Variants in FGF5 observed in about 807,000 individuals in gnomAD.
FGF5 encodes heparin-binding growth factor 5.
In FGF5, 23 loss-of-function variants were observed where a neutral mutation model predicts 21.8. The observed-to-expected ratio is 1.05, with a 90% CI of 0.76 to 1.49. The LOEUF is 1.49. Ranked by LOEUF, FGF5 falls within the 40% of genes most tolerant of loss-of-function variation. The probability of loss-of-function intolerance (pLI) is 0.00; values close to 1 mark genes in which losing one functional copy is unlikely to be tolerated. For synonymous variants in FGF5, 158 were observed against 124.0 expected, an observed-to-expected ratio of 1.27 and a Z score of -1.82; for missense variants, 352 against 332.9, an observed-to-expected ratio of 1.06 and a Z score of -0.45.
chr4:80,267,288 CT>C (rs1473304488), intron 1 of FGF5, 109 bp downstream of exon 1: 3 of 875,438 alleles, frequency 3.4e-6, no homozygotes, highest in Non-Finnish European at 5.2e-6. Context: ...GCCCAGGCCA[CT>C]GGGACCAAGC....
chr4:80,284,153 G>A (rs182711716), intron 2 of FGF5, among the ~76,000 whole-genome samples: 4 of 152,226 alleles, frequency 2.6e-5, no homozygotes, highest in South Asian at 2.1e-4. Flanking sequence ...ACCTGCCTTC[G>A]GCCGGGTGCG....
intron 2 of FGF5, among the ~76,000 whole-genome samples, chr4:80,279,320 C>G (rs1021049305): frequency 6.6e-6 from 1 of 152,200 alleles, no homozygotes; most frequent in Non-Finnish European, 1.5e-5. Context: ...ACATAAAACA[C>G]TTAGAGTACT....
Position 80,269,473 on chromosome 4 carries a change from G to A in FGF5, c.355+2294G>A, listed in dbSNP as rs529908300. Reference sequence around the variant, plus strand: ...AAGCAAAGGGGGGAAAATAAGAGCAGATCAAAAAGAGTGCACCCAGATAAA... The same window carrying A: ...AAGCAAAGGGGGGAAAATAAGAGCAAATCAAAAAGAGTGCACCCAGATAAA... On this transcript the variant is annotated intron_variant, in intron 1 of 2. Coordinates refer to ENST00000312465, the MANE Select transcript of FGF5 (RefSeq NM_004464.4). Among the ~76,000 whole-genome samples the A allele has an allele frequency of 3.9e-5, 6 of 152,242 alleles. No individual in the cohort carries two copies. In the South Asian group the frequency reaches 6.2e-4, roughly 16 times the overall value.
chr4:80,279,173 G>A (rs547448383), intron 2 of FGF5, among the ~76,000 whole-genome samples: 2 of 152,276 alleles, frequency 1.3e-5, no homozygotes, highest in South Asian at 4.1e-4. Context: ...ATTGCCCCAG[G>A]CTGAATCCTA....
At chr4:80,286,257 C>A in intron 2 of FGF5, 68 bp from the exon 3 acceptor site, 3 of 1,050,090 alleles carry the variant, frequency 2.9e-6, no homozygotes, top group South Asian at 1.8e-5. Context: ...TTCTACAATA[C>A]CTTATGTTTT....
chr4:80,267,762 C>T (rs200282397), intron 1 of FGF5, among the ~76,000 whole-genome samples: 5 of 109,534 alleles, frequency 4.6e-5, no homozygotes, highest in African/African-American at 1.1e-4. Context: ...GATAGATACA[C>T]AGATAGATAG....
chr4:80,266,735 G>A lies in FGF5; in HGVS notation c.-90G>A. On this transcript the variant is annotated 5_prime_UTR_variant, in exon 1 of 3. Transcript: ENST00000312465. Reference sequence around the variant, plus strand: ...CTATGTCCACCCGGTGCGGCGAGGCGGGCAGAGCCAGAGGCACGCAGCCGC... The same window carrying A: ...CTATGTCCACCCGGTGCGGCGAGGCAGGCAGAGCCAGAGGCACGCAGCCGC... The A allele has an allele frequency of 8.8e-7, 1 of 1,137,100 alleles. No individual in the cohort carries two copies. The highest frequency in any genetic ancestry group is 2.4e-5 in the Admixed American group (1 of 42,464). 70.4% of individuals were successfully genotyped at this position (1,137,100 alleles called of 1,614,324 possible).
At position 80,290,524 on chromosome 4, in the gene FGF5, A is replaced by G. The variant is rs1477475893; in HGVS notation, c.*3852A>G. ...AGTCAGGTGAGGCATCTTTACATCTAAGAATTTTTTTTTAAATTTTATTAT... is the reference window on the plus strand; with the variant it reads ...AGTCAGGTGAGGCATCTTTACATCTGAGAATTTTTTTTTAAATTTTATTAT... On this transcript the variant is annotated 3_prime_UTR_variant, in exon 3 of 3. Coordinates refer to ENST00000312465, the MANE Select transcript of FGF5 (RefSeq NM_004464.4). 1.3e-5 allele frequency: 2 copies of G among 152,034 alleles called. No individual in the cohort carries two copies. Among genetic ancestry groups the G allele is most frequent in the Admixed American group, 6.6e-5 (1 of 15,256 alleles). 9.4% of individuals were successfully genotyped at this position (152,034 alleles called of 1,614,324 possible). A position where few individuals can be genotyped will look rare whatever the true frequency, so the allele number is the denominator to read the frequency against.
At position 80,286,648 on chromosome 4, in the gene FGF5, C is replaced by T. The variant is rs1245838585; in HGVS notation, c.783C>T (p.Tyr261=). 1.2e-6 allele frequency: 2 copies of T among 1,613,614 alleles called. No individual in the cohort carries two copies. Among genetic ancestry groups the T allele is most frequent in the Non-Finnish European group, 1.7e-6 (2 of 1,179,804 alleles). ...GGAAAAATACCAACTCAGTGAAATACAGACTCAAGTTTCGCTTTGGATAAT... is the reference window on the plus strand; with the variant it reads ...GGAAAAATACCAACTCAGTGAAATATAGACTCAAGTTTCGCTTTGGATAAT... The part of the protein sequence containing the change: ...APRKNTNSVK[Y]RLKFRFG Residue 261 remains tyrosine (Y), a synonymous_variant, in exon 3 of 3, where the codon TAC becomes TAT. Transcript: ENST00000312465.
Position 80,267,190 on chromosome 4 carries a change from C to A in FGF5, c.355+11C>A, listed in dbSNP as rs374202233. 7.8e-5 allele frequency: 123 copies of A among 1,579,334 alleles called. 1 individual carries two copies. In the East Asian group the frequency reaches 7.9e-4, roughly 10 times the overall value. ...AAGCCAATATGTTAAGTAAGTTACTCGCTCTCCTACAAAACCCGTCCTAGG... is the reference window on the plus strand; with the variant it reads ...AAGCCAATATGTTAAGTAAGTTACTAGCTCTCCTACAAAACCCGTCCTAGG... On this transcript the variant is annotated intron_variant, in intron 1 of 2. Transcript: ENST00000312465.
chr4:80,284,985 C>A (rs919323612), intron 2 of FGF5, among the ~76,000 whole-genome samples: 14 of 152,098 alleles, frequency 9.2e-5, no homozygotes, highest in Non-Finnish European at 1.9e-4. Context: ...AATTATGAAA[C>A]CTGGTAGTCT....
intron 1 of FGF5, among the ~76,000 whole-genome samples, chr4:80,269,401 G>A (rs575308611): frequency 2.6e-5 from 4 of 152,232 alleles, no homozygotes; most frequent in African/African-American, 9.6e-5. Flanking sequence ...TATATGAGAC[G>A]AAGGTAGTTT....
At chr4:80,268,438 T>C in intron 1 of FGF5, 3 of 979,776 alleles carry the variant, frequency 3.1e-6, no homozygotes, top group Non-Finnish European at 3.6e-6. Flanking sequence ...ACTTGCTCCA[T>C]CTCAGACCAA....
chr4:80,271,209 A>G (rs3796605), intron 1 of FGF5, among the ~76,000 whole-genome samples: 9,585 of 152,286 alleles, frequency 0.063, 566 homozygotes, highest in East Asian at 0.35. Flanking sequence ...ATCAACCACT[A>G]TCAGTAGAGC....
chr4:80,271,104 C>T (rs3796604), intron 1 of FGF5, among the ~76,000 whole-genome samples: 1 of 151,946 alleles, frequency 6.6e-6, no homozygotes, highest in East Asian at 1.9e-4. Flanking sequence ...TTTTCAGATG[C>T]GTTGTTGAAA....
intron 1 of FGF5, among the ~76,000 whole-genome samples, chr4:80,267,966 G>A (rs771920056): frequency 6.6e-6 from 1 of 152,196 alleles, no homozygotes; most frequent in Non-Finnish European, 1.5e-5. Flanking sequence ...CCAGCCTTTG[G>A]TCCCCAAGAA....
At chr4:80,269,114 G>C (rs1161779716) in intron 1 of FGF5, among the ~76,000 whole-genome samples, 2 of 149,252 alleles carry the variant, frequency 1.3e-5, no homozygotes, top group Admixed American at 6.6e-5. Context: ...AGCAAGTTAG[G>C]AACATCTAGG....
Position 80,286,726 on chromosome 4 carries a change from G to T in FGF5, c.*54G>T. 1 of 1,425,974 alleles carries T rather than the reference G, an allele frequency of 7.0e-7. No homozygotes were observed. Among genetic ancestry groups the T allele is most frequent in the East Asian group, 2.3e-5 (1 of 43,022 alleles). The allele number at this position is 1,425,974 out of a possible 1,614,324, so 88.3% of individuals were successfully genotyped here. On this transcript the variant is annotated 3_prime_UTR_variant, in exon 3 of 3. Transcript: ENST00000312465. ...TCTTTCCCCTCAGGAGTTTCTATAGGTGTCTTCAGAGTTCTGAAGAAAAAT... is the reference window on the plus strand; with the variant it reads ...TCTTTCCCCTCAGGAGTTTCTATAGTTGTCTTCAGAGTTCTGAAGAAAAAT...
chr4:80,269,199 G>A (rs1180524186), intron 1 of FGF5, among the ~76,000 whole-genome samples: 2 of 152,092 alleles, frequency 1.3e-5, no homozygotes, highest in Non-Finnish European at 2.9e-5. Flanking sequence ...ACTCTCCCTG[G>A]GTACATGACA....
Sources: allele counts gnomAD v4.1 joint callset (sites outside exome capture counted in the v4.1 genomes callset), GRCh38; gene constraint gnomAD v4.1.1; transcripts MANE v1.5; gene names NCBI Gene and HGNC (gene_info 2026-07-23, HGNC 2026-07-21).